The following C3 variants were observed in gnomAD, a reference collection of about 807,000 sequenced individuals.
C3 encodes complement C3.
C3 carries 97 observed loss-of-function variants against 207.9 expected under a neutral mutation model. That is an observed-to-expected ratio of 0.47 (90% CI 0.40 to 0.55). The LOEUF (loss-of-function observed/expected upper bound fraction) is 0.55, where lower values mean the gene tolerates loss of function less well. Ranked by LOEUF, C3 falls within the 20% of genes least tolerant of loss-of-function variation. The probability of loss-of-function intolerance (pLI) is 0.00; values close to 1 mark genes in which losing one functional copy is unlikely to be tolerated. For missense variants in C3, 1,684 were observed against 2,171.7 expected (o/e 0.78, Z 4.46); for synonymous variants, 848 against 857.6 (o/e 0.99, Z 0.20).
intron 13 of C3, 49 bp downstream of exon 13, chr19:6,710,590 G>T: frequency 8.7e-6 from 12 of 1,387,106 alleles, no homozygotes; most frequent in Non-Finnish European, 1.2e-5. Flanking sequence ...GAGAGAGAGA[G>T]AGGAGTAGGG....
In C3 at chr19:6,694,306, G is replaced by T. The variant is rs989055890; in HGVS notation, c.3154+125C>A. The T allele has an allele frequency of 5.0e-6, 4 of 805,092 alleles. No homozygotes were observed. In the African/African-American group the frequency reaches 6.8e-5, roughly 14 times the overall value. The allele number at this position is 805,092 out of a possible 1,614,324, so 49.9% of individuals were successfully genotyped here. A position where few individuals can be genotyped will look rare whatever the true frequency, so the allele number is the denominator to read the frequency against. On this transcript the variant is annotated intron_variant, in intron 24 of 40. Transcript: ENST00000245907. ...AGAAGAGGTGGGGCCTCAAATGAGGGGAGTGGCTAGGAGAGAAGGTGGAGC... is the reference window on the plus strand; with the variant it reads ...AGAAGAGGTGGGGCCTCAAATGAGGTGAGTGGCTAGGAGAGAAGGTGGAGC...
chr19:6,684,472 GGTATACCTGT>G (rs780555965), intron 32 of C3, 33 bp from the exon 33 acceptor site: 2 of 1,597,302 alleles, frequency 1.3e-6, no homozygotes, highest in East Asian at 4.5e-5. Flanking sequence ...GATGGGAGAG[GGTATACCTGT>G]GTGTTGATTC....
In C3 at chr19:6,697,434, C is replaced by G. The variant is rs769080198; in HGVS notation, c.2706G>C (p.Pro902=). The G allele has an allele frequency of 3.1e-5, 50 of 1,613,674 alleles. No individual in the cohort carries two copies. In the South Asian group the frequency reaches 5.4e-4, roughly 17 times the overall value. The change falls in exon 21 of 41, where the codon CCG becomes CCC. Residue 902 remains proline (P), a synonymous_variant. Transcript: ENST00000245907. ...SSLSVPYVIV[P]LKTGLQEVEV... ...CCACTTCCTGCAGGCCGGTCTTTAG[C>G]GGCACGATGACATATGGAACGGACA...
intron 28 of C3, 70 bp from the exon 29 acceptor site, chr19:6,686,357 C>T (rs1918009935): frequency 6.4e-7 from 1 of 1,554,544 alleles, no homozygotes. Flanking sequence ...AGAGAAAGCT[C>T]AGAAAGAGAT....
In C3 at chr19:6,684,393, A is replaced by G; in HGVS notation, c.4167T>C (p.Cys1389=). The G allele has an allele frequency of 1.9e-6, 3 of 1,613,808 alleles. No individual in the cohort carries two copies. The highest frequency in any genetic ancestry group is 2.5e-6 in the Non-Finnish European group (3 of 1,179,646). ...CCGGTGACCTAGCTTCTTACCTGGT[A>G]CAGATCTCAAGGATCATAGTGTTCT... The part of the protein sequence containing the change: ...DAKNTMILEI[C]TRYRGDQDAT... The change falls in exon 33 of 41, where the codon TGT becomes TGC. Residue 1389 remains cysteine, a synonymous_variant. Transcript: ENST00000245907.
Position 6,693,490 on chromosome 19 carries a change from G to T in C3, c.3155-3C>A. The T allele has an allele frequency of 1.2e-6, 2 of 1,611,142 alleles. No individual in the cohort carries two copies. Among genetic ancestry groups the T allele is most frequent in the South Asian group, 1.1e-5 (1 of 90,612 alleles). ...GAAGGCCAGCTGCTGGGTGTACCCT[G>T]CAGAGAAGAGAGAGGAACCCCCAAA... On this transcript the variant is annotated splice_region_variant and splice_polypyrimidine_tract_variant and intron_variant, in intron 24 of 40. Coordinates refer to ENST00000245907, the MANE Select transcript of C3 (RefSeq NM_000064.4).
At chr19:6,706,087 G>A (rs951975461) in intron 17 of C3, among the ~76,000 whole-genome samples, 2 of 152,212 alleles carry the variant, frequency 1.3e-5, no homozygotes, top group Admixed American at 1.3e-4. Context: ...ATGAAGAAGG[G>A]CTGCCTGTTC....
Position 6,707,385 on chromosome 19 carries a change from C to T in C3, c.2047+81G>A. ...CCCCGCCGCCAGGGCCTCCCCTCCT[C>T]CCTCTCTGGCTCCTGCACGGCCGGG... On this transcript the variant is annotated intron_variant, in intron 16 of 40. Coordinates refer to ENST00000245907, the MANE Select transcript of C3 (RefSeq NM_000064.4). The T allele has an allele frequency of 1.9e-6, 3 of 1,599,010 alleles. No individual in the cohort carries two copies. In the South Asian group the frequency reaches 3.3e-5, roughly 18 times the overall value.
At chr19:6,706,672 ACTCCTCCCCCCGAGACAGAGG>A (rs1967780217) in intron 17 of C3, among the ~76,000 whole-genome samples, 1 of 27,158 alleles carries the variant, frequency 3.7e-5, no homozygotes, top group African/African-American at 1.4e-4. Context: ...CAGACAGGGG[ACTCCTCCCCCCGAGACAGAGG>A]CCTCCTCCTA....
chr19:6,689,335 C>CTCTCTCTCTCTCTCTCT (rs1918100931), intron 27 of C3, among the ~76,000 whole-genome samples: 2 of 59,810 alleles, frequency 3.3e-5, no homozygotes, highest in African/African-American at 1.6e-4. Flanking sequence ...CTACCTCCCT[C>CTCTCTCTCTCTCTCTCT]CCTCCCTCCC....
intron 9 of C3, 115 bp downstream of exon 9, chr19:6,713,074 C>A: frequency 7.7e-7 from 1 of 1,304,580 alleles, no homozygotes; most frequent in Non-Finnish European, 1.1e-6. Context: ...CAGACTGAAC[C>A]CCACTTTCAC....
At chr19:6,681,876 A>G in intron 35 of C3, 65 bp downstream of exon 35, 3 of 1,191,280 alleles carry the variant, frequency 2.5e-6, no homozygotes, top group Non-Finnish European at 3.8e-6. Context: ...AGGAAAAGAA[A>G]GACCAGCCAG....
At chr19:6,685,436 T>C (rs1388240480) in intron 29 of C3, among the ~76,000 whole-genome samples, 1 of 152,124 alleles carries the variant, frequency 6.6e-6, no homozygotes, top group Non-Finnish European at 1.5e-5. Context: ...GGATGCAGTC[T>C]AGACCCATCA....
Position 6,678,122 on chromosome 19 carries a change from G to GT in C3, c.4850+29dup, listed in dbSNP as rs1199081233. On this transcript the variant is annotated intron_variant, in intron 40 of 40. Coordinates refer to ENST00000245907, the MANE Select transcript of C3 (RefSeq NM_000064.4). ...GTGGCATGGGCGGGGCAGTCGGGCGGTCGCGCGCACGCGCAGGGAAAGCAC... is the reference window on the plus strand; with the variant it reads ...GTGGCATGGGCGGGGCAGTCGGGCGGTTCGCGCGCACGCGCAGGGAAAGCAC... 3.7e-6 allele frequency: 6 copies of GT among 1,614,118 alleles called. No individual in the cohort carries two copies. In the Admixed American group the frequency reaches 1.0e-4, roughly 27 times the overall value.
Position 6,719,120 on chromosome 19 carries a change from G to A in C3, c.267+91C>T, listed in dbSNP as rs1237629969. On this transcript the variant is annotated intron_variant, in intron 2 of 40. Coordinates refer to ENST00000245907, the MANE Select transcript of C3 (RefSeq NM_000064.4). This position sits in a 1 kb window ranked among gnomAD's most constrained non-coding sequence, Gnocchi z 5.4. ...CTCAGGGAAGGGCAGGGCTTAGAAA[G>A]GGAGAAGACAGAAGGGGAGGGGCTC... The A allele has an allele frequency of 4.3e-6, 5 of 1,154,424 alleles. No individual in the cohort carries two copies. The highest frequency in any genetic ancestry group is 1.5e-5 in the African/African-American group (1 of 65,572). The allele number at this position is 1,154,424 out of a possible 1,614,324, so 71.5% of individuals were successfully genotyped here.
chr19:6,711,916 C>T (rs1967930615), intron 11 of C3, among the ~76,000 whole-genome samples: 1 of 152,218 alleles, frequency 6.6e-6, no homozygotes, highest in Non-Finnish European at 1.5e-5. Context: ...GAGCGCCTCT[C>T]CGTGTAAGTG....
intron 25 of C3, 120 bp from the exon 26 acceptor site, chr19:6,693,203 C>T: frequency 7.9e-7 from 1 of 1,265,882 alleles, no homozygotes; most frequent in Non-Finnish European, 1.1e-6. Context: ...TTTGCCTTCC[C>T]AGGCCCCAGG....
chr19:6,693,235 C>T (rs1568215306), intron 25 of C3, 152 bp from the exon 26 acceptor site: 2 of 1,111,856 alleles, frequency 1.8e-6, no homozygotes, highest in African/African-American at 1.5e-5. Flanking sequence ...GTATGCGGTC[C>T]GTGCTTAAGG....
chr19:6,698,262 G>A (rs1049436216), intron 19 of C3, among the ~76,000 whole-genome samples: 3 of 152,058 alleles, frequency 2.0e-5, no homozygotes, highest in South Asian at 2.1e-4. Flanking sequence ...CGATCCACCC[G>A]CCTCAGCCTC....
Sources: allele counts gnomAD v4.1 joint callset (sites outside exome capture counted in the v4.1 genomes callset), GRCh38; gene constraint gnomAD v4.1.1; non-coding constraint Gnocchi (gnomAD v3.1); transcripts MANE v1.5; gene names NCBI Gene and HGNC (gene_info 2026-07-23, HGNC 2026-07-21).